The following SLC2A10 variants were observed in gnomAD, a reference collection of about 807,000 sequenced individuals.
SLC2A10 encodes solute carrier family 2, facilitated glucose transporter member 10.
In SLC2A10, 25 loss-of-function variants were observed where a neutral mutation model predicts 32.1. That is an observed-to-expected ratio of 0.78 (90% CI 0.57 to 1.09). SLC2A10 has a LOEUF of 1.09. SLC2A10 is among the 50% of genes least tolerant of loss of function. The pLI, the probability that SLC2A10 is intolerant of heterozygous loss-of-function variation, is 0.00. For missense variants in SLC2A10, 673 were observed against 686.5 expected (o/e 0.98, Z 0.22); for synonymous variants, 332 against 309.6 (o/e 1.07, Z -0.76).
rs1334738425 is a variant in SLC2A10, at chr20:46,733,640, GTCA to G, written c.1548-114_1548-112del. On this transcript the variant is annotated intron_variant, in intron 4 of 4. Coordinates refer to ENST00000359271, the MANE Select transcript of SLC2A10 (RefSeq NM_030777.4). ...TGTAATAAGGCAGGAGGCAGGAAGG[GTCA>G]TGGTAGGAGTGAAGGTGGGATTGGG... The G allele has an allele frequency of 5.5e-5, 45 of 815,738 alleles. 1 individual carries two copies. In the East Asian group the frequency reaches 1.1e-3, roughly 19 times the overall value. The allele number at this position is 815,738 out of a possible 1,614,324, so 50.5% of individuals were successfully genotyped here.
chr20:46,732,615 T>A (rs574384084), intron 4 of SLC2A10, among the ~76,000 whole-genome samples: 2 of 152,218 alleles, frequency 1.3e-5, no homozygotes, highest in Admixed American at 1.3e-4. Flanking sequence ...CAAACAGCTA[T>A]GGGTGCATTT....
At chr20:46,714,278 G>A (rs887975214) in intron 1 of SLC2A10, among the ~76,000 whole-genome samples, 4 of 152,182 alleles carry the variant, frequency 2.6e-5, no homozygotes, top group African/African-American at 7.2e-5. Flanking sequence ...GTTCACCCAC[G>A]TGGTATTCAC....
At chr20:46,709,774 C>T in intron 1 of SLC2A10, 34 bp downstream of exon 1, 2 of 1,547,036 alleles carry the variant, frequency 1.3e-6, no homozygotes, top group Non-Finnish European at 1.7e-6. Flanking sequence ...TGCTGGAAGC[C>T]CGACCCCTTC....
At chr20:46,709,629 G>A, upstream of SLC2A10, 1 of 1,396,116 alleles carries the variant, frequency 7.2e-7, no homozygotes, top group Non-Finnish European at 9.6e-7. Context: ...GGACAGAGGC[G>A]GGGGCGGGCC....
chr20:46,718,584 A>G (rs1979382067), intron 1 of SLC2A10, among the ~76,000 whole-genome samples: 1 of 152,084 alleles, frequency 6.6e-6, no homozygotes, highest in Admixed American at 6.5e-5. Flanking sequence ...CTCTTTGACC[A>G]CATCCCACAG....
Position 46,726,228 on chromosome 20 carries a change from C to T in SLC2A10, c.1192C>T (p.Pro398Ser), listed in dbSNP as rs1001679023. ...GGCCCTGAGCTCTGCCCTCCCTGGG[C>T]CCCCTCTGCCCGCTCGGGGGCATGC... ...RLALSSALPG[P>S]PLPARGHALL... Residue 398 changes from proline to serine, a missense_variant, in exon 2 of 5, where the codon CCC (proline) becomes TCC (serine). Pro to Ser is a moderately conservative substitution (Grantham distance 74). Transcript: ENST00000359271. 9 of 1,613,872 alleles carry T rather than the reference C, an allele frequency of 5.6e-6. No individual in the cohort carries two copies. The highest frequency in any genetic ancestry group is 7.6e-6 in the Non-Finnish European group (9 of 1,180,032).
Position 46,725,360 on chromosome 20 carries a change from T to C in SLC2A10, c.324T>C (p.Val108=), listed in dbSNP as rs1292649685. ...GGCTGGTCCTGGGCCGCGCTGTGGT[T>C]GGCTTCGCCATTTCCCTCTCCTCCA... ...LAWLVLGRAV[V]GFAISLSSMA... is the part of the protein sequence containing the mutation. The change falls in exon 2 of 5, where the codon GTT becomes GTC. Residue 108 remains valine, a synonymous_variant. Coordinates refer to ENST00000359271, the MANE Select transcript of SLC2A10 (RefSeq NM_030777.4). 4 of 1,614,128 alleles carry C rather than the reference T, an allele frequency of 2.5e-6. No individual in the cohort carries two copies. Among genetic ancestry groups the C allele is most frequent in the Non-Finnish European group, 3.4e-6 (4 of 1,180,032 alleles).
intron 1 of SLC2A10, among the ~76,000 whole-genome samples, chr20:46,716,297 G>A (rs1979236518): frequency 6.6e-6 from 1 of 151,944 alleles, no homozygotes; most frequent in Non-Finnish European, 1.5e-5. Context: ...GGGATTACAG[G>A]TGCATGCCAC....
At chr20:46,726,722 T>G in intron 2 of SLC2A10, 142 bp from the exon 3 acceptor site, 1 of 1,155,056 alleles carries the variant, frequency 8.7e-7, no homozygotes, top group Non-Finnish European at 1.3e-6. Context: ...CTGTAATTCT[T>G]ATAGCAGAAT....
chr20:46,723,836 A>G (rs1223224959), intron 1 of SLC2A10, among the ~76,000 whole-genome samples: 2 of 152,240 alleles, frequency 1.3e-5, no homozygotes, highest in Non-Finnish European at 2.9e-5. Flanking sequence ...TGTGACCATG[A>G]GAAAGTTTCT....
At chr20:46,711,722 C>A (rs745826316) in intron 1 of SLC2A10, among the ~76,000 whole-genome samples, 2 of 152,140 alleles carry the variant, frequency 1.3e-5, no homozygotes, top group Non-Finnish European at 2.9e-5. Flanking sequence ...AGGGATTGGG[C>A]TCTCTTTATA....
chr20:46,732,033 T>C (rs1458882170), intron 4 of SLC2A10, among the ~76,000 whole-genome samples: 1 of 152,190 alleles, frequency 6.6e-6, no homozygotes, highest in Non-Finnish European at 1.5e-5. Context: ...GGGAGGCAGA[T>C]GCCGGTAGAG....
At chr20:46,721,777 C>CA (rs1979568109) in intron 1 of SLC2A10, among the ~76,000 whole-genome samples, 1 of 152,184 alleles carries the variant, frequency 6.6e-6, no homozygotes, top group Non-Finnish European at 1.5e-5. Flanking sequence ...TTGAAATTCT[C>CA]AAAAAATGTA....
At chr20:46,712,163 G>A (rs1978949405) in intron 1 of SLC2A10, among the ~76,000 whole-genome samples, 1 of 152,190 alleles carries the variant, frequency 6.6e-6, no homozygotes, top group Admixed American at 6.5e-5. Flanking sequence ...TGGCTATAGT[G>A]GGTACTCCAA....
intron 1 of SLC2A10, among the ~76,000 whole-genome samples, chr20:46,722,822 T>C (rs1157023911): frequency 3.3e-5 from 5 of 152,246 alleles, no homozygotes; most frequent in Non-Finnish European, 4.4e-5. Context: ...AGATGAGGCA[T>C]GAACTCTCCA....
chr20:46,727,211 G>A (rs541193837), intron 3 of SLC2A10, among the ~76,000 whole-genome samples: 1 of 152,250 alleles, frequency 6.6e-6, no homozygotes, highest in African/African-American at 2.4e-5. Context: ...GAGGTCATCT[G>A]AGGTCAACCG....
intron 1 of SLC2A10, among the ~76,000 whole-genome samples, chr20:46,716,150 G>T (rs1231570904): frequency 4.7e-5 from 7 of 149,388 alleles, no homozygotes; most frequent in Non-Finnish European, 1.0e-4. Flanking sequence ...GTTGGGGTGA[G>T]AACTTTTTTT....
chr20:46,731,879 A>T (rs181990105), intron 4 of SLC2A10, among the ~76,000 whole-genome samples: 1 of 152,176 alleles, frequency 6.6e-6, no homozygotes, highest in Non-Finnish European at 1.5e-5. Context: ...TGTGTCCTCC[A>T]TACAAGAGCC....
intron 1 of SLC2A10, among the ~76,000 whole-genome samples, chr20:46,722,103 T>C (rs1387632393): frequency 6.6e-6 from 1 of 151,070 alleles, no homozygotes; most frequent in African/African-American, 2.4e-5. Context: ...GAAAATAGTT[T>C]ATAAAAATCT....
Sources: gnomAD v4.1 joint callset for allele counts (sites outside exome capture counted in the v4.1 genomes callset) on GRCh38, gnomAD v4.1.1 for gene constraint, MANE v1.5 for transcripts, NCBI Gene and HGNC (gene_info 2026-07-23, HGNC 2026-07-21) for gene names.